The following ALG11 variants were observed in gnomAD, a reference collection of about 807,000 sequenced individuals.
The protein encoded by ALG11 is ALG11 alpha-1,2-mannosyltransferase.
A neutral mutation model predicts 38.8 loss-of-function variants in ALG11; 26 were observed. That is an observed-to-expected ratio of 0.67 (90% CI 0.49 to 0.93). The LOEUF is 0.93. Among genes scored for constraint, ALG11 ranks in the 40% least tolerant of loss-of-function variants. The probability of loss-of-function intolerance (pLI) is 0.00; values close to 1 mark genes in which losing one functional copy is unlikely to be tolerated. For synonymous variants in ALG11, 199 were observed against 211.6 expected, an observed-to-expected ratio of 0.94 and a Z score of 0.52; for missense variants, 535 against 578.8, an observed-to-expected ratio of 0.92 and a Z score of 0.78.
In ALG11 at chr13:52,030,443, C is replaced by T. The variant is rs138307740; in HGVS notation, c.*1853C>T. ...GACCCCAAATAATCGGCCTGATGCCCCTAAGGAGAAGAAAGAGAAGGAGCA... is the reference window on the plus strand; with the variant it reads ...GACCCCAAATAATCGGCCTGATGCCTCTAAGGAGAAGAAAGAGAAGGAGCA... On this transcript the variant is annotated 3_prime_UTR_variant, in exon 4 of 4. Transcript: ENST00000521508. 729 of 1,614,160 alleles carry T rather than the reference C, an allele frequency of 4.5e-4. 1 individual carries two copies. Among genetic ancestry groups the T allele is most frequent in the Admixed American group, 2.2e-3 (131 of 60,008 alleles).
At position 52,018,936 on chromosome 13, in the gene ALG11, C is replaced by T. The variant is rs1427745747; in HGVS notation, c.68C>T (p.Pro23Leu). 6.2e-7 allele frequency: 1 copy of T among 1,613,820 alleles called. No individual in the cohort carries two copies. Among genetic ancestry groups the T allele is most frequent in the Non-Finnish European group, 8.5e-7 (1 of 1,179,990 alleles). Reference protein sequence around the residue: ...LLRFFYSLFFPGLIVCGTLCV... With the variant: ...LLRFFYSLFFLGLIVCGTLCV... ...AGGTTTTTTTATTCATTATTCTTCC[C>T]TGGGCTCATTGTATGTGGAACTTTA... is the stretch of plus-strand genomic sequence containing the variant. The change falls in exon 2 of 4, where the codon CCT (proline) becomes CTT (leucine). Residue 23 changes from proline (P) to leucine (L), a missense_variant. By Grantham distance (98) the Pro-to-Leu change is moderately conservative. Transcript: ENST00000521508.
chr13:52,029,466 T>C lies in ALG11; in HGVS notation c.*876T>C, dbSNP rs780096946. 2 of 1,614,160 alleles carry C rather than the reference T, an allele frequency of 1.2e-6. No individual in the cohort carries two copies. Among genetic ancestry groups the C allele is most frequent in the South Asian group, 1.1e-5 (1 of 91,082 alleles). On this transcript the variant is annotated 3_prime_UTR_variant, in exon 4 of 4. Transcript: ENST00000521508. ...GCCATGAGCCTGGAAGAGGCAAAGA[T>C]GCACCGAGCAGAGCTTCAGAGGGCT...
Position 52,032,447 on chromosome 13 carries a change from T to C in ALG11, c.*3857T>C, listed in dbSNP as rs1954315019. The C allele has an allele frequency of 6.0e-6, 1 of 167,108 alleles. No individual in the cohort carries two copies. Among genetic ancestry groups the C allele is most frequent in the African/African-American group, 2.4e-5 (1 of 41,460 alleles). The allele number at this position is 167,108 out of a possible 1,614,324, so 10.4% of individuals were successfully genotyped here. On this transcript the variant is annotated 3_prime_UTR_variant, in exon 4 of 4. Transcript: ENST00000521508. ...GAGCAGATATGGCTATAAAGACCTA[T>C]AGCTTTTGCACTTTATGCATATATA...
rs780673101 is a variant in ALG11, at chr13:52,030,823, C to T, written c.*2233C>T. 87 of 1,614,092 alleles carry T rather than the reference C, an allele frequency of 5.4e-5. No individual in the cohort carries two copies. The highest frequency in any genetic ancestry group is 7.4e-5 in the Non-Finnish European group (87 of 1,180,044). Reference sequence around the variant, plus strand: ...ATGTGATTATCAGTGAGAAGCGCAACATCCACGCAGCAGCTCATCAGGTAC... The same window carrying T: ...ATGTGATTATCAGTGAGAAGCGCAATATCCACGCAGCAGCTCATCAGGTAC... On this transcript the variant is annotated 3_prime_UTR_variant, in exon 4 of 4. Transcript: ENST00000521508.
chr13:52,015,553 C>A (rs1311931817), intron 1 of ALG11, among the ~76,000 whole-genome samples: 1 of 152,070 alleles, frequency 6.6e-6, no homozygotes, highest in Non-Finnish European at 1.5e-5. Flanking sequence ...TGGGAGGGAT[C>A]CAGGGGGAGG....
chr13:52,029,254 C>A lies in ALG11; in HGVS notation c.*664C>A, dbSNP rs759764724. 6.8e-6 allele frequency: 11 copies of A among 1,614,074 alleles called. No homozygotes were observed. The highest frequency in any genetic ancestry group is 9.3e-6 in the Non-Finnish European group (11 of 1,180,040). ...AATGGGACCCTATCATCCTGAAGAACCAGCAGGCAGAGCAGCTGGTTTTTC... is the reference window on the plus strand; with the variant it reads ...AATGGGACCCTATCATCCTGAAGAAACAGCAGGCAGAGCAGCTGGTTTTTC... On this transcript the variant is annotated 3_prime_UTR_variant, in exon 4 of 4. Coordinates refer to ENST00000521508, the MANE Select transcript of ALG11 (RefSeq NM_001004127.3).
At chr13:52,019,797 G>A (rs556480570) in intron 2 of ALG11, among the ~76,000 whole-genome samples, 2 of 152,154 alleles carry the variant, frequency 1.3e-5, no homozygotes, top group African/African-American at 4.8e-5. Flanking sequence ...TCTGGGCATG[G>A]TGATGCGCAC....
chr13:52,032,844 T>C lies in ALG11; in HGVS notation c.*4254T>C, dbSNP rs1954318737. 1 of 167,078 alleles carries C rather than the reference T, an allele frequency of 6.0e-6. No homozygotes were observed. Among genetic ancestry groups the C allele is most frequent in the Admixed American group, 6.5e-5 (1 of 15,286 alleles). 10.3% of individuals were successfully genotyped at this position (167,078 alleles called of 1,614,324 possible). A position where few individuals can be genotyped will look rare whatever the true frequency, so the allele number is the denominator to read the frequency against. On this transcript the variant is annotated 3_prime_UTR_variant, in exon 4 of 4. Coordinates refer to ENST00000521508, the MANE Select transcript of ALG11 (RefSeq NM_001004127.3). The stretch of plus-strand genomic sequence containing the variant: ...ATTTAAATCTAAAGAATTTAGTAGA[T>C]TCCTTCAGTGTCACAAAGCTGTTTC...
chr13:52,013,444 G>A (rs765102416), intron 1 of ALG11, among the ~76,000 whole-genome samples: 1 of 152,170 alleles, frequency 6.6e-6, no homozygotes, highest in Non-Finnish European at 1.5e-5. Context: ...CCTGTCATAC[G>A]TAATATTCCT....
intron 2 of ALG11, chr13:52,021,587 G>T: frequency 6.6e-6 from 1 of 152,374 alleles, no homozygotes. Context: ...AGTGAGCAGG[G>T]AAATTAGTTT....
At chr13:52,013,562 T>C (rs577068177) in intron 1 of ALG11, among the ~76,000 whole-genome samples, 3 of 152,362 alleles carry the variant, frequency 2.0e-5, no homozygotes, top group African/African-American at 7.2e-5. Flanking sequence ...ATAGTTCAGT[T>C]TGAAAAGCTT....
At position 52,012,526 on chromosome 13, in the gene ALG11, G is replaced by C; in HGVS notation, c.44+64G>C. The C allele has an allele frequency of 3.1e-6, 5 of 1,611,560 alleles. No homozygotes were observed. In the South Asian group the frequency reaches 4.4e-5, roughly 14 times the overall value. On this transcript the variant is annotated intron_variant, in intron 1 of 3. Coordinates refer to ENST00000521508, the MANE Select transcript of ALG11 (RefSeq NM_001004127.3). ...TTCTGTAGGGGTACTTGCCCGTCCA[G>C]TGTAGCTAAATTTTGCGGGCAAATG...
intron 3 of ALG11, among the ~76,000 whole-genome samples, chr13:52,025,744 T>C (rs948533053): frequency 3.3e-5 from 5 of 152,242 alleles, no homozygotes; most frequent in Non-Finnish European, 5.9e-5. Flanking sequence ...GGTCCACATA[T>C]ATTTCTCAAG....
chr13:52,015,544 G>A (rs1954127225), intron 1 of ALG11, among the ~76,000 whole-genome samples: 1 of 152,200 alleles, frequency 6.6e-6, no homozygotes, highest in African/African-American at 2.4e-5. Flanking sequence ...CACATGTTGT[G>A]GGAGGGATCC....
At chr13:52,017,852 A>G (rs1341795609) in intron 1 of ALG11, 1 of 152,304 alleles carries the variant, frequency 6.6e-6, no homozygotes, top group Non-Finnish European at 1.5e-5. Flanking sequence ...ATGTAAATAC[A>G]GCCTGCATAC....
chr13:52,024,519 C>T lies in ALG11; in HGVS notation c.789C>T (p.Asn263=), dbSNP rs1555306008. 1.2e-6 allele frequency: 2 copies of T among 1,614,182 alleles called. No individual in the cohort carries two copies. The highest frequency in any genetic ancestry group is 1.7e-6 in the Non-Finnish European group (2 of 1,180,042). The change falls in exon 3 of 4, where the codon AAC becomes AAT. Residue 263 remains asparagine (N), a synonymous_variant. Coordinates refer to ENST00000521508, the MANE Select transcript of ALG11 (RefSeq NM_001004127.3). ...VVMVNSSWTL[N]HILSLWKVGN... ...TGGTCAATTCTTCTTGGACACTAAA[C>T]CATATTCTCTCACTATGGAAAGTTG...
chr13:52,012,617 G>A (rs1317330716), intron 1 of ALG11, among the ~76,000 whole-genome samples, 155 bp downstream of exon 1: 3 of 152,116 alleles, frequency 2.0e-5, no homozygotes, highest in African/African-American at 7.2e-5. Context: ...TTTCTTGGGG[G>A]TCTTCTATAT....
At chr13:52,017,891 C>T (rs1380610942) in intron 1 of ALG11, among the ~76,000 whole-genome samples, 1 of 152,198 alleles carries the variant, frequency 6.6e-6, no homozygotes, top group Non-Finnish European at 1.5e-5. Context: ...ACCATCCCAA[C>T]ATACACACCA....
In ALG11 at chr13:52,030,925, C is replaced by G. The variant is rs1342284511; in HGVS notation, c.*2335C>G. ...AGACCCCTATAGGATCCACATGGAA[C>G]ACCCAGAGGGCTTTCCAAAAGCTGA... On this transcript the variant is annotated 3_prime_UTR_variant, in exon 4 of 4. Transcript: ENST00000521508. The G allele has an allele frequency of 6.2e-6, 10 of 1,614,068 alleles. No individual in the cohort carries two copies. In the African/African-American group the frequency reaches 1.3e-4, roughly 22 times the overall value.
Sources: gnomAD v4.1 joint callset for allele counts (sites outside exome capture counted in the v4.1 genomes callset) on GRCh38, gnomAD v4.1.1 for gene constraint, MANE v1.5 for transcripts, NCBI Gene and HGNC (gene_info 2026-07-23, HGNC 2026-07-21) for gene names.